ATXN7L1: variants seen among roughly 807,000 people sequenced by gnomAD.
The protein encoded by ATXN7L1 is ataxin 7 like 1.
ATXN7L1 carries 15 observed loss-of-function variants against 70.8 expected under a neutral mutation model. That is an observed-to-expected ratio of 0.21 (90% confidence interval 0.14 to 0.33). The LOEUF (loss-of-function observed/expected upper bound fraction) is 0.33, where lower values mean the gene tolerates loss of function less well. ATXN7L1 is among the 10% of genes least tolerant of loss of function. ATXN7L1 has a pLI of 1.00. For synonymous variants in ATXN7L1, 440 were observed against 445.1 expected (o/e 0.99, Z 0.14); for missense variants, 975 against 1,097.1 (o/e 0.89, Z 1.57).
At chr7:105,775,464 A>G (rs575488434) in intron 3 of ATXN7L1, among the ~76,000 whole-genome samples, 1 of 152,282 alleles carries the variant, frequency 6.6e-6, no homozygotes, top group African/African-American at 2.4e-5. Flanking sequence ...TCCAGGAAGG[A>G]GTCAGTAACT....
In ATXN7L1 at chr7:105,740,914, G is replaced by A. The variant is rs531835488; in HGVS notation, c.355+47690C>T. ...TGAGTAGCTGGGACTACAGGCGCCC[G>A]CCACCACGCCTGGCTAATTTTTTGT... On this transcript the variant is annotated intron_variant, in intron 3 of 11. Transcript: ENST00000419735. 2.4e-3 allele frequency among the ~76,000 whole-genome samples: 371 copies of A among 151,952 alleles called. 1 individual carries two copies. Among genetic ancestry groups the A allele is most frequent in the Non-Finnish European group, 4.5e-3 (303 of 67,986 alleles).
At chr7:105,857,594 A>C (rs1267750064) in intron 2 of ATXN7L1, among the ~76,000 whole-genome samples, 1 of 152,264 alleles carries the variant, frequency 6.6e-6, no homozygotes, top group Non-Finnish European at 1.5e-5. Flanking sequence ...CACCAGACCC[A>C]GGCTAAATAC....
rs1792816574 is a variant in ATXN7L1, at chr7:105,607,676, G to T, written c.*176C>A. 3.4e-6 allele frequency: 2 copies of T among 587,654 alleles called. No homozygotes were observed. Among genetic ancestry groups the T allele is most frequent in the Non-Finnish European group, 6.1e-6 (2 of 325,986 alleles). 36.4% of individuals were successfully genotyped at this position (587,654 alleles called of 1,614,324 possible). ...GTAAATCTCAAATTCACCTTCTTTT[G>T]CCTTTTTAACTAAAAATTGGTCAAT... is the stretch of plus-strand genomic sequence containing the variant. On this transcript the variant is annotated 3_prime_UTR_variant, in exon 12 of 12. Transcript: ENST00000419735.
At chr7:105,822,216 T>C (rs1810260920) in intron 2 of ATXN7L1, among the ~76,000 whole-genome samples, 3 of 152,162 alleles carry the variant, frequency 2.0e-5, no homozygotes, top group Non-Finnish European at 2.9e-5. Context: ...CGTGGGAGGA[T>C]TGCTTGAGTC....
intron 3 of ATXN7L1, among the ~76,000 whole-genome samples, chr7:105,714,683 G>A (rs66813327): frequency 0.059 from 8,932 of 152,078 alleles, 317 homozygotes; most frequent in Admixed American, 0.073. Context: ...TTTTGTTTTT[G>A]AGACAGTCTC....
Position 105,780,246 on chromosome 7 carries a change from T to C in ATXN7L1, c.355+8358A>G, listed in dbSNP as rs527370692. Reference sequence around the variant, plus strand: ...TGTGTAGCACTGCTGAGACATGCTGTTCTCAGTATCCAACCAGCATCAGCA... The same window carrying C: ...TGTGTAGCACTGCTGAGACATGCTGCTCTCAGTATCCAACCAGCATCAGCA... On this transcript the variant is annotated intron_variant, in intron 3 of 11. Transcript: ENST00000419735. Among the ~76,000 whole-genome samples the C allele has an allele frequency of 2.0e-5, 3 of 152,326 alleles. No homozygotes were observed. In the East Asian group the frequency reaches 5.8e-4, roughly 29 times the overall value.
intron 10 of ATXN7L1, among the ~76,000 whole-genome samples, chr7:105,612,925 G>A (rs1428445356): frequency 1.3e-5 from 2 of 152,212 alleles, no homozygotes; most frequent in Non-Finnish European, 2.9e-5. Flanking sequence ...CCTTGATTCT[G>A]TGTAACGGTC....
At position 105,656,576 on chromosome 7, in the gene ATXN7L1, C is replaced by CTTT. The variant is rs10690416; in HGVS notation, c.578+8487_578+8489dup. Among the ~76,000 whole-genome samples, 105 of 139,924 alleles carry CTTT rather than the reference C, an allele frequency of 7.5e-4. 4 individuals carry two copies. The East Asian group carries it at 0.01, about 13-fold the overall frequency. The allele number at this position is 139,924 out of a possible 152,430, so 91.8% of individuals were successfully genotyped here. On this transcript the variant is annotated intron_variant, in intron 4 of 11. Coordinates refer to ENST00000419735, the MANE Select transcript of ATXN7L1 (RefSeq NM_020725.2). ...TCTGTTTTCCCCTTTCTTCTTCTTC[C>CTTT]TTTTTTTTTTTTTTGAGATAGTCTC...
chr7:105,714,571 G>T (rs1474030321), intron 3 of ATXN7L1, among the ~76,000 whole-genome samples: 2 of 152,212 alleles, frequency 1.3e-5, no homozygotes, highest in Non-Finnish European at 2.9e-5. Context: ...GTTCTTGAAT[G>T]CCTGGGTCCC....
chr7:105,797,808 G>C (rs1806216098), intron 2 of ATXN7L1, among the ~76,000 whole-genome samples: 1 of 152,218 alleles, frequency 6.6e-6, no homozygotes, highest in African/African-American at 2.4e-5. Context: ...CTTTCCTAAG[G>C]CTGTTGTGGA....
chr7:105,806,809 G>A (rs922493801), intron 2 of ATXN7L1, among the ~76,000 whole-genome samples: 1 of 152,182 alleles, frequency 6.6e-6, no homozygotes, highest in African/African-American at 2.4e-5. Flanking sequence ...GAGAAGCCAC[G>A]TGGGAAGCAC....
chr7:105,747,516 T>C (rs1798718135), intron 3 of ATXN7L1, among the ~76,000 whole-genome samples: 1 of 152,212 alleles, frequency 6.6e-6, no homozygotes, highest in Non-Finnish European at 1.5e-5. Flanking sequence ...TAAGATATCC[T>C]TTATAATAAA....
At chr7:105,694,579 C>G (rs1221190549) in intron 3 of ATXN7L1, among the ~76,000 whole-genome samples, 1 of 152,202 alleles carries the variant, frequency 6.6e-6, no homozygotes, top group Non-Finnish European at 1.5e-5. Context: ...TTTCTGATGT[C>G]CAATCCTGGG....
chr7:105,720,251 C>T (rs1317331592), intron 3 of ATXN7L1, among the ~76,000 whole-genome samples: 3 of 152,278 alleles, frequency 2.0e-5, no homozygotes, highest in Middle Eastern at 3.4e-3. Context: ...ATTAACACTG[C>T]CTCTTGCCTA....
At chr7:105,777,826 C>G (rs1218651590) in intron 3 of ATXN7L1, among the ~76,000 whole-genome samples, 1 of 152,188 alleles carries the variant, frequency 6.6e-6, no homozygotes, top group African/African-American at 2.4e-5. Context: ...TAAAACCCAA[C>G]CTTCAGACTC....
chr7:105,811,909 C>T (rs1479700485), intron 2 of ATXN7L1, among the ~76,000 whole-genome samples: 3 of 152,186 alleles, frequency 2.0e-5, no homozygotes, highest in Non-Finnish European at 4.4e-5. Flanking sequence ...CCCTCACAGG[C>T]TAAGTCCCAG....
At chr7:105,771,432 A>T (rs1801998213) in intron 3 of ATXN7L1, among the ~76,000 whole-genome samples, 1 of 152,110 alleles carries the variant, frequency 6.6e-6, no homozygotes, top group Admixed American at 6.5e-5. Context: ...CTAGTAGTGG[A>T]TCATAGGATT....
intron 2 of ATXN7L1, among the ~76,000 whole-genome samples, chr7:105,825,340 G>A (rs923129147): frequency 6.6e-6 from 1 of 152,146 alleles, no homozygotes; most frequent in East Asian, 1.9e-4. Flanking sequence ...GAGGGAAGCT[G>A]TTGTCACAGA....
At chr7:105,866,859 G>C (rs542941645) in intron 2 of ATXN7L1, among the ~76,000 whole-genome samples, 2 of 152,246 alleles carry the variant, frequency 1.3e-5, no homozygotes, top group South Asian at 4.1e-4. Context: ...GTGAATAGTG[G>C]GCCACCTCAG....
Sources: gnomAD v4.1 joint callset for allele counts (sites outside exome capture counted in the v4.1 genomes callset) on GRCh38, gnomAD v4.1.1 for gene constraint, MANE v1.5 for transcripts, NCBI Gene and HGNC (gene_info 2026-07-23, HGNC 2026-07-21) for gene names.